Variants in CLEC1B observed in about 807,000 individuals in gnomAD.
CLEC1B encodes the protein C-type lectin domain family 1 member B, also known as C-type lectin-like receptor 2.
A neutral mutation model predicts 26.7 loss-of-function variants in CLEC1B; 26 were observed. That is an observed-to-expected ratio of 0.97 (90% confidence interval 0.71 to 1.35). CLEC1B has a LOEUF of 1.35. CLEC1B is among the 40% of genes most tolerant of loss of function. The probability of loss-of-function intolerance (pLI) is 0.00; values close to 1 mark genes in which losing one functional copy is unlikely to be tolerated. For synonymous variants in CLEC1B, 112 were observed against 96.0 expected (o/e 1.17, Z -0.97); for missense variants, 293 against 282.6 (o/e 1.04, Z -0.26).
chr12:9,997,150 CA>C lies in CLEC1B; in HGVS notation c.283+9del. On this transcript the variant is annotated intron_variant, in intron 3 of 5. Coordinates refer to ENST00000298527, the MANE Select transcript of CLEC1B (RefSeq NM_016509.4). ...TGGAGAGATGAAGAGGTTAAAAAAA[CA>C]ATACTTACTGAAAGTGCCCTTTAGT... 1 of 1,613,710 alleles carries C rather than the reference CA, an allele frequency of 6.2e-7. No homozygotes were observed. The highest frequency in any genetic ancestry group is 1.7e-5 in the Admixed American group (1 of 59,930).
chr12:9,997,303 A>C, intron 2 of CLEC1B, 24 bp from the exon 3 acceptor site: 2 of 1,585,040 alleles, frequency 1.3e-6, no homozygotes, highest in South Asian at 2.2e-5. Flanking sequence ...GTAAATAATA[A>C]TAATTTGTAA....
intron 5 of CLEC1B, 171 bp downstream of exon 5, chr12:9,994,969 G>A (rs936640640): frequency 2.7e-6 from 4 of 1,497,264 alleles, no homozygotes; most frequent in Non-Finnish European, 3.6e-6. Context: ...AGTAATGGGA[G>A]AGAGGGGAAA....
At chr12:10,001,008 G>A (rs1865152179), upstream of CLEC1B, among the ~76,000 whole-genome samples, 1 of 152,104 alleles carries the variant, frequency 6.6e-6, no homozygotes, top group African/African-American at 2.4e-5. Flanking sequence ...TTCCAATAAA[G>A]CTTTACTCTG....
chr12:9,996,763 G>T, intron 4 of CLEC1B, 83 bp downstream of exon 4: 1 of 1,452,122 alleles, frequency 6.9e-7, no homozygotes, highest in Non-Finnish European at 9.6e-7. Context: ...TAAGAAAAAT[G>T]TAAAAAACAA....
At chr12:9,993,467 G>A (rs924840249) in intron 5 of CLEC1B, 180 bp from the exon 6 acceptor site, 30 of 605,660 alleles carry the variant, frequency 5.0e-5, no homozygotes, top group Admixed American at 1.2e-4. Flanking sequence ...TACAAGATAT[G>A]CATATTTAAA....
At chr12:9,994,925 G>A in intron 5 of CLEC1B, 1 of 1,261,134 alleles carries the variant, frequency 7.9e-7, no homozygotes, top group South Asian at 1.3e-5. Flanking sequence ...TAATATCAGA[G>A]ATAAAGGTGG....
rs776037482 is a variant in CLEC1B, at chr12:9,996,730, G to C, written c.438+116C>G. 3 of 1,023,486 alleles carry C rather than the reference G, an allele frequency of 2.9e-6. No homozygotes were observed. In the Admixed American group the frequency reaches 5.1e-5, roughly 18 times the overall value. The allele number at this position is 1,023,486 out of a possible 1,614,324, so 63.4% of individuals were successfully genotyped here. A position where few individuals can be genotyped will look rare whatever the true frequency, so the allele number is the denominator to read the frequency against. On this transcript the variant is annotated intron_variant, in intron 4 of 5. Coordinates refer to ENST00000298527, the MANE Select transcript of CLEC1B (RefSeq NM_016509.4). ...CTTACTAGGTTTCACAAGGGTCTTAGATTAGTACAAACTGAAAGATGTTAA... is the reference window on the plus strand; with the variant it reads ...CTTACTAGGTTTCACAAGGGTCTTACATTAGTACAAACTGAAAGATGTTAA...
rs759837813 is a variant in CLEC1B at position 9,995,188 on chromosome 12, G to A, written c.497C>T (p.Ser166Leu). 6.8e-6 allele frequency: 11 copies of A among 1,612,856 alleles called. No homozygotes were observed. Among genetic ancestry groups the A allele is most frequent in the South Asian group, 1.1e-5 (1 of 91,074 alleles). Reference protein sequence around the residue: ...IRWVGLSRQKSNEVWKWEDGS... With the variant: ...IRWVGLSRQKLNEVWKWEDGS... ...ATCCTCCCACTTCCAGACCTCATTC[G>A]ACTTCTGGCGAGATAATCCGACCCA... Residue 166 changes from serine to leucine, a missense_variant, in exon 5 of 6, where the codon TCG becomes TTG. By Grantham distance (145) the Ser-to-Leu change is moderately radical. Coordinates refer to ENST00000298527, the MANE Select transcript of CLEC1B (RefSeq NM_016509.4).
upstream of CLEC1B, among the ~76,000 whole-genome samples, chr12:10,001,110 T>A (rs1452142455): frequency 1.3e-5 from 2 of 152,210 alleles, no homozygotes; most frequent in African/African-American, 4.8e-5. Flanking sequence ...ATTGAGACAA[T>A]TTTTAAATTA....
At chr12:9,996,556 C>CCAGGAG (rs1555145250) in intron 4 of CLEC1B, among the ~76,000 whole-genome samples, 1 of 151,810 alleles carries the variant, frequency 6.6e-6, no homozygotes, top group Non-Finnish European at 1.5e-5. Flanking sequence ...ACAGAGGACA[C>CCAGGAG]AAATAAATAT....
upstream of CLEC1B, among the ~76,000 whole-genome samples, chr12:10,000,397 A>C (rs1865144572): frequency 6.6e-6 from 1 of 152,196 alleles, no homozygotes; most frequent in African/African-American, 2.4e-5. Flanking sequence ...TATTTTGAGA[A>C]TGAGGTGAAG....
Position 9,993,148 on chromosome 12 carries a change from G to A in CLEC1B, c.685C>T (p.Pro229Ser), listed in dbSNP as rs751824512. The A allele has an allele frequency of 1.9e-6, 3 of 1,608,946 alleles. No homozygotes were observed. The highest frequency in any genetic ancestry group is 2.7e-5 in the African/African-American group (2 of 74,744). Residue 229 changes from proline to serine, a missense_variant, in exon 6 of 6, where the codon CCT becomes TCT. Transcript: ENST00000298527. ...ATCCTGTCCACCTCTTTGCATTAAG[G>A]TAGTTGGTCCACCTTGGTCATGCCA... is the stretch of plus-strand genomic sequence containing the variant. Reference protein sequence around the residue: ...KAGMTKVDQLP With the variant: ...KAGMTKVDQLS
chr12:9,996,704 T>C (rs1865056450), intron 4 of CLEC1B, 142 bp downstream of exon 4: 1 of 830,226 alleles, frequency 1.2e-6, no homozygotes, highest in South Asian at 1.4e-5. Context: ...GTTCTGTAAT[T>C]CTTACTAGGT....
At position 9,993,193 on chromosome 12, in the gene CLEC1B, A is replaced by C. The variant is rs1412288758; in HGVS notation, c.640T>G (p.Leu214Val). Residue 214 changes from leucine (L) to valine (V), a missense_variant, in exon 6 of 6, where the codon TTA becomes GTA. By Grantham distance (32) the Leu-to-Val change is conservative. Coordinates refer to ENST00000298527, the MANE Select transcript of CLEC1B (RefSeq NM_016509.4). ...ATGCCAGCCTTCCTCTCACACATTA[A>C]ATAATGTTTGTTCTCACAGAAGGTA... ...HPTFCENKHY[L>V]MCERKAGMTK... 6.2e-7 allele frequency: 1 copy of C among 1,612,280 alleles called. No homozygotes were observed. The highest frequency in any genetic ancestry group is 1.3e-5 in the African/African-American group (1 of 74,836).
intron 5 of CLEC1B, among the ~76,000 whole-genome samples, chr12:9,994,233 C>G (rs1864973181): frequency 6.6e-6 from 1 of 151,862 alleles, no homozygotes; most frequent in South Asian, 2.1e-4. Flanking sequence ...CTTAAGGTAA[C>G]AAAACGAGTT....
At chr12:9,998,644 T>TTTTTTTG (rs368929442) in intron 1 of CLEC1B, among the ~76,000 whole-genome samples, 8 of 145,738 alleles carry the variant, frequency 5.5e-5, no homozygotes, top group Admixed American at 3.5e-4. Flanking sequence ...GTGTTTGTAT[T>TTTTTTTG]TTTTGTTTTG....
Position 9,997,156 on chromosome 12 carries a change from T to C in CLEC1B, c.283+4A>G, listed in dbSNP as rs774070473. ...GATGAAGAGGTTAAAAAAACAATAC[T>C]TACTGAAAGTGCCCTTTAGTTCTGA... On this transcript the variant is annotated splice_donor_region_variant and intron_variant, in intron 3 of 5. Transcript: ENST00000298527. The C allele has an allele frequency of 2.5e-6, 4 of 1,613,862 alleles. No homozygotes were observed. The highest frequency in any genetic ancestry group is 1.3e-5 in the African/African-American group (1 of 75,042).
intron 4 of CLEC1B, chr12:9,995,739 T>C (rs1865028506): frequency 4.9e-6 from 1 of 203,656 alleles, no homozygotes; most frequent in Non-Finnish European, 1.0e-5. Context: ...ATGATGTCTT[T>C]CTCAAAAGGA....
At chr12:9,996,220 C>A (rs1002590375) in intron 4 of CLEC1B, among the ~76,000 whole-genome samples, 5 of 152,234 alleles carry the variant, frequency 3.3e-5, no homozygotes, top group African/African-American at 9.6e-5. Flanking sequence ...CTAATATTTT[C>A]TTTAAAATAT....
Sources: gnomAD v4.1 joint callset for allele counts (sites outside exome capture counted in the v4.1 genomes callset) on GRCh38, gnomAD v4.1.1 for gene constraint, MANE v1.5 for transcripts, NCBI Gene and HGNC (gene_info 2026-07-23, HGNC 2026-07-21) for gene names.